OVOL2: variants seen among roughly 807,000 people sequenced by gnomAD.
OVOL2 encodes ovo like zinc finger 2.
Under a neutral mutation model 18.1 loss-of-function variants are expected in OVOL2, and 13 were observed. The observed-to-expected ratio is 0.72, with a 90% CI of 0.47 to 1.14. The LOEUF (loss-of-function observed/expected upper bound fraction) is 1.14, where lower values mean the gene tolerates loss of function less well. OVOL2 is among the 50% of genes most tolerant of loss of function. The pLI is 0.00. For synonymous variants in OVOL2, 166 were observed against 162.7 expected (o/e 1.02, Z -0.16); for missense variants, 335 against 383.0 (o/e 0.87, Z 1.05).
chr20:18,032,836 A>G (rs1465393835), intron 3 of OVOL2, among the ~76,000 whole-genome samples: 1 of 152,192 alleles, frequency 6.6e-6, no homozygotes, highest in Non-Finnish European at 1.5e-5. Flanking sequence ...AAAAAGCAAT[A>G]TACATTAAAA....
chr20:18,053,938 T>C (rs2036793777), intron 2 of OVOL2, among the ~76,000 whole-genome samples: 1 of 152,138 alleles, frequency 6.6e-6, no homozygotes, highest in Non-Finnish European at 1.5e-5. Context: ...GCTGCGGGAC[T>C]CAGCCCACAC....
At chr20:18,026,366 T>C (rs1376239871) in intron 3 of OVOL2, among the ~76,000 whole-genome samples, 1 of 148,780 alleles carries the variant, frequency 6.7e-6, no homozygotes, top group Non-Finnish European at 1.5e-5. Flanking sequence ...GGGTCTGGGG[T>C]AGGAATCAGG....
chr20:18,055,244 C>T (rs1368267397), intron 2 of OVOL2, among the ~76,000 whole-genome samples: 1 of 152,184 alleles, frequency 6.6e-6, no homozygotes, highest in African/African-American at 2.4e-5. Context: ...CACTTTCTCT[C>T]CAGGGGAATC....
At chr20:18,046,892 A>G (rs894532299) in intron 2 of OVOL2, among the ~76,000 whole-genome samples, 2 of 152,076 alleles carry the variant, frequency 1.3e-5, no homozygotes, top group Non-Finnish European at 2.9e-5. Flanking sequence ...CATCTTAGTC[A>G]TGTTAGTTAC....
chr20:18,057,565 C>G lies in OVOL2; in HGVS notation c.70G>C (p.Asp24His), dbSNP rs939635507. The G allele has an allele frequency of 6.3e-7, 1 of 1,594,394 alleles. No individual in the cohort carries two copies. The highest frequency in any genetic ancestry group is 1.1e-5 in the South Asian group (1 of 88,120). Residue 24 changes from aspartate to histidine, a missense_variant, in exon 1 of 4, where the codon GAT (aspartate) becomes CAT (histidine). Transcript: ENST00000278780. The surrounding 1 kb of genome is among the most constrained non-coding windows in gnomAD (Gnocchi z 6.3). ...ATGTAGGTGTCTGCCCTTTTCTCAT[C>G]CGGGAGCTCATCCCAGCTGCGGACC... ...VSVRSWDELP[D>H]EKRADTYIPV...
intron 3 of OVOL2, among the ~76,000 whole-genome samples, chr20:18,033,458 C>A (rs1258800926): frequency 6.6e-6 from 1 of 152,214 alleles, no homozygotes; most frequent in Admixed American, 6.5e-5. Flanking sequence ...CCCTGCAAAG[C>A]CTTAGCTGGG....
At chr20:18,049,432 T>C (rs2036752782) in intron 2 of OVOL2, among the ~76,000 whole-genome samples, 1 of 152,204 alleles carries the variant, frequency 6.6e-6, no homozygotes, top group Non-Finnish European at 1.5e-5. Flanking sequence ...TGGGAGGATA[T>C]TCTGAGTCCA....
chr20:18,040,241 A>G (rs183965332), intron 3 of OVOL2, among the ~76,000 whole-genome samples: 235 of 152,212 alleles, frequency 1.5e-3, no homozygotes, highest in African/African-American at 5.3e-3. Flanking sequence ...AGTAAATTCT[A>G]TAAGTCTGTT....
chr20:18,031,057 C>G (rs1307340855), intron 3 of OVOL2, among the ~76,000 whole-genome samples: 1 of 152,164 alleles, frequency 6.6e-6, no homozygotes, highest in African/African-American at 2.4e-5. Flanking sequence ...GGTGCTCTCA[C>G]GCAAAGGCCA....
At chr20:18,026,660 C>T (rs529786553) in intron 3 of OVOL2, among the ~76,000 whole-genome samples, 4 of 152,156 alleles carry the variant, frequency 2.6e-5, no homozygotes, top group East Asian at 1.9e-4. Flanking sequence ...GGATTACAGG[C>T]GTGAGCCACC....
chr20:18,024,671 TCTC>T lies in OVOL2; in HGVS notation c.790_792del (p.Glu264del), dbSNP rs759906858. ...TCCTCCTCCTCACTCAGGCTGGTAT[TCTC>T]CTGGTGTGCGGATGTCAGCTTGCCC... On this transcript the variant is annotated inframe_deletion, in exon 4 of 4. Transcript: ENST00000278780. 10 of 1,613,206 alleles carry T rather than the reference TCTC, an allele frequency of 6.2e-6. No individual in the cohort carries two copies. The highest frequency in any genetic ancestry group is 8.5e-6 in the Non-Finnish European group (10 of 1,179,518).
At chr20:18,025,185 C>A (rs1164506249) in intron 3 of OVOL2, among the ~76,000 whole-genome samples, 1 of 152,190 alleles carries the variant, frequency 6.6e-6, no homozygotes, top group Non-Finnish European at 1.5e-5. Context: ...AACAAAACCA[C>A]CACCTGCTTT....
At chr20:18,055,483 G>C (rs371526731) in intron 2 of OVOL2, among the ~76,000 whole-genome samples, 1 of 152,186 alleles carries the variant, frequency 6.6e-6, no homozygotes, top group East Asian at 1.9e-4. Flanking sequence ...TTACCGCTAA[G>C]CTGCCGGCCC....
At chr20:18,042,879 G>A (rs1276449068) in intron 2 of OVOL2, among the ~76,000 whole-genome samples, 1 of 151,526 alleles carries the variant, frequency 6.6e-6, no homozygotes, top group Non-Finnish European at 1.5e-5. Context: ...ATGAGTGGAA[G>A]CTTCCTGAGG....
At chr20:18,038,074 G>A (rs1375190431) in intron 3 of OVOL2, among the ~76,000 whole-genome samples, 1 of 152,138 alleles carries the variant, frequency 6.6e-6, no homozygotes, top group East Asian at 1.9e-4. Flanking sequence ...TTAGAAACAA[G>A]GCACCTCCCA....
intron 3 of OVOL2, among the ~76,000 whole-genome samples, chr20:18,034,161 C>T (rs2036594365): frequency 6.6e-6 from 1 of 152,166 alleles, no homozygotes; most frequent in African/African-American, 2.4e-5. Flanking sequence ...TGCATGTCCC[C>T]AGCTGTCGTG....
intron 3 of OVOL2, among the ~76,000 whole-genome samples, chr20:18,032,257 AGAGG>A (rs1389173196): frequency 3.4e-5 from 5 of 145,852 alleles, no homozygotes; most frequent in Non-Finnish European, 7.5e-5. Context: ...AGGAAAGAAG[AGAGG>A]GAAAGAAAGA....
chr20:18,034,626 T>TCTC (rs2036598587), intron 3 of OVOL2, among the ~76,000 whole-genome samples: 1 of 138,134 alleles, frequency 7.2e-6, no homozygotes, highest in South Asian at 2.3e-4. Flanking sequence ...CTTCCCCTCT[T>TCTC]TCTCTCTCTC....
chr20:18,050,181 G>A (rs546867304), intron 2 of OVOL2, among the ~76,000 whole-genome samples: 2 of 152,326 alleles, frequency 1.3e-5, no homozygotes, highest in Admixed American at 1.3e-4. Flanking sequence ...AGCTAGAGAA[G>A]TGAAAACTAC....
Sources: allele counts gnomAD v4.1 joint callset (sites outside exome capture counted in the v4.1 genomes callset), GRCh38; gene constraint gnomAD v4.1.1; non-coding constraint Gnocchi (gnomAD v3.1); transcripts MANE v1.5; gene names NCBI Gene and HGNC (gene_info 2026-07-23, HGNC 2026-07-21).